WWOX: variants seen among roughly 807,000 people sequenced by gnomAD.
WWOX encodes the protein WW domain containing oxidoreductase.
A neutral mutation model predicts 46.2 loss-of-function variants in WWOX; 69 were observed. The ratio of observed to expected loss-of-function variants is 1.49; its 90% CI spans 1.23 to 1.82. The LOEUF (loss-of-function observed/expected upper bound fraction) is 1.82. WWOX is among the 40% of genes most tolerant of loss of function. The pLI is 0.00. For synonymous variants in WWOX, 359 were observed against 202.6 expected (o/e 1.77, Z -6.56); for missense variants, 919 against 542.6 (o/e 1.69, Z -6.89).
chr16:78,178,694 T>C (rs2035429715), intron 5 of WWOX, among the ~76,000 whole-genome samples: 1 of 152,030 alleles, frequency 6.6e-6, no homozygotes, highest in Non-Finnish European at 1.5e-5. Flanking sequence ...GGTGAAACTG[T>C]GTCTACTAAA....
intron 5 of WWOX, among the ~76,000 whole-genome samples, chr16:78,331,851 A>T (rs996579133): frequency 1.3e-5 from 2 of 152,208 alleles, no homozygotes. Context: ...AACGTGTCAG[A>T]TGTCTGTTCA....
intron 8 of WWOX, among the ~76,000 whole-genome samples, chr16:78,639,077 C>T (rs967576890): frequency 4.6e-5 from 7 of 152,128 alleles, no homozygotes; most frequent in African/African-American, 9.7e-5. Flanking sequence ...GCTAGAAAAG[C>T]TGGGCCTAAA....
chr16:78,768,642 C>A (rs1397138419), intron 8 of WWOX, among the ~76,000 whole-genome samples: 1 of 151,020 alleles, frequency 6.6e-6, no homozygotes, highest in East Asian at 1.9e-4. Flanking sequence ...AAATAGATTT[C>A]CTTTATAATT....
intron 8 of WWOX, among the ~76,000 whole-genome samples, chr16:78,862,482 A>G (rs913703307): frequency 2.6e-5 from 4 of 151,988 alleles, no homozygotes; most frequent in Admixed American, 6.6e-5. Flanking sequence ...ACACAAGTGC[A>G]TACACACACA....
Position 78,380,806 on chromosome 16 carries a change from C to G in WWOX, c.517-6054C>G, listed in dbSNP as rs566880114. Among the ~76,000 whole-genome samples the G allele has an allele frequency of 8.5e-5, 13 of 152,096 alleles. No homozygotes were observed. The South Asian group carries it at 2.7e-3, about 32-fold the overall frequency. ...TAACTTGCCCAGCCCCAAACCACCC[C>G]CTGAAAAAAGAAAACAAGGGAGACC... On this transcript the variant is annotated intron_variant, in intron 5 of 8. Coordinates refer to ENST00000566780, the MANE Select transcript of WWOX (RefSeq NM_016373.4).
intron 6 of WWOX, among the ~76,000 whole-genome samples, chr16:78,405,732 G>A (rs2082512921): frequency 6.6e-6 from 1 of 152,156 alleles, no homozygotes; most frequent in African/African-American, 2.4e-5. Flanking sequence ...CAAGGCTGAT[G>A]CTGGGCTTTT....
intron 5 of WWOX, among the ~76,000 whole-genome samples, chr16:78,218,398 T>C (rs2036789742): frequency 6.6e-6 from 1 of 152,110 alleles, no homozygotes; most frequent in Non-Finnish European, 1.5e-5. Context: ...TTGCTTGCCT[T>C]TCTTAATGTC....
chr16:78,830,670 T>A (rs566336364), intron 8 of WWOX, among the ~76,000 whole-genome samples: 1 of 151,678 alleles, frequency 6.6e-6, no homozygotes, highest in Non-Finnish European at 1.5e-5. Flanking sequence ...GCAGCACCGA[T>A]TGGGGCTGAC....
chr16:78,627,403 C>T (rs2046334636), intron 8 of WWOX, among the ~76,000 whole-genome samples: 1 of 152,144 alleles, frequency 6.6e-6, no homozygotes, highest in Non-Finnish European at 1.5e-5. Flanking sequence ...TACCTGTGTC[C>T]TCTCTATACC....
chr16:78,466,546 C>T (rs939158100), intron 8 of WWOX, among the ~76,000 whole-genome samples: 2 of 152,000 alleles, frequency 1.3e-5, no homozygotes, highest in Admixed American at 6.6e-5. Context: ...TTTAAATATT[C>T]CAGCTGCGTG....
chr16:78,432,265 C>G (rs573266916), intron 7 of WWOX, among the ~76,000 whole-genome samples: 1 of 151,976 alleles, frequency 6.6e-6, no homozygotes, highest in Non-Finnish European at 1.5e-5. Flanking sequence ...GCCACCACAC[C>G]TGGCTAATTT....
At chr16:79,109,483 A>T (rs1362897385) in intron 8 of WWOX, among the ~76,000 whole-genome samples, 3 of 152,152 alleles carry the variant, frequency 2.0e-5, no homozygotes, top group Non-Finnish European at 4.4e-5. Flanking sequence ...TTTAAATTCA[A>T]GGATTTATGT....
At chr16:78,287,834 A>G (rs2079795154) in intron 5 of WWOX, among the ~76,000 whole-genome samples, 1 of 152,230 alleles carries the variant, frequency 6.6e-6, no homozygotes, top group Non-Finnish European at 1.5e-5. Flanking sequence ...ATAATTAGCC[A>G]CAAAGGCACA....
chr16:78,573,135 A>AG (rs2044760405), intron 8 of WWOX, among the ~76,000 whole-genome samples: 2 of 152,110 alleles, frequency 1.3e-5, no homozygotes, highest in African/African-American at 4.8e-5. Context: ...AATACAAAAA[A>AG]TTAGCCAGGC....
chr16:78,660,838 G>A (rs774645461), intron 8 of WWOX, among the ~76,000 whole-genome samples: 3 of 152,094 alleles, frequency 2.0e-5, no homozygotes, highest in Non-Finnish European at 4.4e-5. Context: ...TGAGACTATT[G>A]GCTATGTTTT....
chr16:78,397,518 G>A (rs566876235), intron 6 of WWOX, among the ~76,000 whole-genome samples: 2 of 152,184 alleles, frequency 1.3e-5, no homozygotes, highest in Non-Finnish European at 2.9e-5. Context: ...AGTAAGGCTA[G>A]AACTTCGTCC....
intron 5 of WWOX, among the ~76,000 whole-genome samples, chr16:78,273,701 A>T (rs1401100207): frequency 6.6e-6 from 1 of 152,200 alleles, no homozygotes; most frequent in Non-Finnish European, 1.5e-5. Context: ...TTTGATAGAT[A>T]CTTGGTAAAA....
At chr16:78,545,591 C>T (rs1200597267) in intron 8 of WWOX, among the ~76,000 whole-genome samples, 3 of 152,126 alleles carry the variant, frequency 2.0e-5, no homozygotes, top group Non-Finnish European at 4.4e-5. Context: ...CACAGTGATG[C>T]CCAGGAATAG....
At chr16:79,107,500 C>G (rs1046407488) in intron 8 of WWOX, among the ~76,000 whole-genome samples, 2 of 152,232 alleles carry the variant, frequency 1.3e-5, no homozygotes, top group Admixed American at 6.5e-5. Flanking sequence ...GTTGGGCATA[C>G]TGCCCAAGCA....
Sources: allele counts gnomAD v4.1 joint callset (sites outside exome capture counted in the v4.1 genomes callset), GRCh38; gene constraint gnomAD v4.1.1; transcripts MANE v1.5; gene names NCBI Gene and HGNC (gene_info 2026-07-23, HGNC 2026-07-21).